MGA: variants seen among roughly 807,000 people sequenced by gnomAD.
MGA encodes the protein MAX dimerization protein MGA, also known as MAX gene-associated protein.
Under a neutral mutation model 261.1 loss-of-function variants are expected in MGA, and 40 were observed. That is an observed-to-expected ratio of 0.15 (90% CI 0.12 to 0.20). The LOEUF (loss-of-function observed/expected upper bound fraction) is 0.20, where lower values mean the gene tolerates loss of function less well. Ranked by LOEUF, MGA falls within the 10% of genes least tolerant of loss-of-function variation. The pLI, the probability that MGA is intolerant of heterozygous loss-of-function variation, is 1.00. For missense variants in MGA, 3,397 were observed against 3,630.5 expected (o/e 0.94, Z 1.65); for synonymous variants, 1,302 against 1,290.6 (o/e 1.01, Z -0.19).
At chr15:41,763,367 C>T (rs1249831436) in intron 22 of MGA, among the ~76,000 whole-genome samples, 4 of 151,628 alleles carry the variant, frequency 2.6e-5, no homozygotes, top group Admixed American at 2.0e-4. Flanking sequence ...TCCCAAAGTG[C>T]TGGGATTACA....
At chr15:41,679,494 A>G (rs1340277153) in intron 2 of MGA, among the ~76,000 whole-genome samples, 2 of 152,096 alleles carry the variant, frequency 1.3e-5, no homozygotes, top group East Asian at 1.9e-4. Context: ...ATGGTTTTCA[A>G]TGTAAAAGTG....
intron 3 of MGA, among the ~76,000 whole-genome samples, chr15:41,698,195 G>T (rs1403134952): frequency 1.4e-5 from 2 of 138,298 alleles, no homozygotes; most frequent in Non-Finnish European, 1.5e-5. Context: ...TTTTGAGACG[G>T]AATCTTGCTC....
At chr15:41,734,859 GT>G (rs879753353) in intron 12 of MGA, among the ~76,000 whole-genome samples, 118 of 144,838 alleles carry the variant, frequency 8.1e-4, no homozygotes, top group Admixed American at 1.1e-3. Flanking sequence ...AGGTCAGTGA[GT>G]TTTTTTTTTT....
At chr15:41,642,378 C>T (rs1029459651) in intron 1 of MGA, among the ~76,000 whole-genome samples, 10 of 149,534 alleles carry the variant, frequency 6.7e-5, no homozygotes, top group Admixed American at 4.7e-4. Context: ...GGCGTGATCT[C>T]GGCTCACTGC....
At chr15:41,718,525 C>A in intron 9 of MGA, 1 of 502,738 alleles carries the variant, frequency 2.0e-6, no homozygotes, top group South Asian at 3.8e-5. Flanking sequence ...TTGTAGTTCT[C>A]TTTTTCTGTG....
chr15:41,675,341 T>A (rs563298151), intron 2 of MGA, among the ~76,000 whole-genome samples: 1 of 152,184 alleles, frequency 6.6e-6, no homozygotes, highest in East Asian at 1.9e-4. Context: ...CTGGTTTCAC[T>A]ATCTTTAGAG....
chr15:41,649,431 C>T (rs937049179), intron 1 of MGA, among the ~76,000 whole-genome samples: 1 of 149,016 alleles, frequency 6.7e-6, no homozygotes, highest in African/African-American at 2.5e-5. Context: ...ATGGGATGAA[C>T]AGGAGAGAGA....
chr15:41,695,726 A>G (rs1025002735), intron 2 of MGA, among the ~76,000 whole-genome samples: 1 of 152,248 alleles, frequency 6.6e-6, no homozygotes, highest in African/African-American at 2.4e-5. Flanking sequence ...TCATCTGGCA[A>G]CATCATGACT....
chr15:41,646,185 G>A (rs1397220119), intron 1 of MGA, among the ~76,000 whole-genome samples: 1 of 152,108 alleles, frequency 6.6e-6, no homozygotes, highest in Non-Finnish European at 1.5e-5. Flanking sequence ...ATGTGATTTA[G>A]TTAACTAACT....
intron 1 of MGA, among the ~76,000 whole-genome samples, chr15:41,651,797 TCCCC>T (rs1358573963): frequency 1.7e-4 from 1 of 5,810 alleles, no homozygotes; most frequent in Non-Finnish European, 4.4e-4. Flanking sequence ...TTCTCTCCTC[TCCCC>T]CCCCTCTTCC....
At chr15:41,765,445 C>T (rs1352300196) in intron 23 of MGA, among the ~76,000 whole-genome samples, 1 of 152,214 alleles carries the variant, frequency 6.6e-6, no homozygotes, top group Non-Finnish European at 1.5e-5. Flanking sequence ...TTGAGCACTA[C>T]TCTGTTTTGG....
chr15:41,761,080 G>A (rs896994088), intron 20 of MGA, among the ~76,000 whole-genome samples: 4 of 152,186 alleles, frequency 2.6e-5, no homozygotes, highest in Admixed American at 6.5e-5. Context: ...CAAAAGTCAG[G>A]TTCTTTATTG....
Position 41,668,955 on chromosome 15 carries a change from G to A in MGA, c.61G>A (p.Ala21Thr), listed in dbSNP as rs565795887. 36 of 1,610,020 alleles carry A rather than the reference G, an allele frequency of 2.2e-5. No individual in the cohort carries two copies. The highest frequency in any genetic ancestry group is 2.2e-4 in the South Asian group (20 of 90,716). The stretch of plus-strand genomic sequence containing the variant: ...AGATGGTGGAACAGTGGCAGGAGCA[G>A]CACCTACCTTCTTTGTCATCTTAAA... The change falls in exon 2 of 24, where the codon GCA (alanine) becomes ACA (threonine). Residue 21 changes from alanine to threonine, a missense_variant. Physicochemically the swap from Ala to Thr is moderately conservative, Grantham distance 58 (BLOSUM62 0). Transcript: ENST00000219905.
chr15:41,766,762 A>G lies in MGA; in HGVS notation c.8680A>G (p.Ser2894Gly), dbSNP rs781470957. The G allele has an allele frequency of 1.7e-4, 279 of 1,613,820 alleles. No individual in the cohort carries two copies. Among genetic ancestry groups the G allele is most frequent in the Non-Finnish European group, 2.2e-4 (264 of 1,179,890 alleles). ...AGAGTTGCCTGATGTTCAAGGGGAG[A>G]GTGACTCTATCAGTCCCCTCCTCTT... The change falls in exon 24 of 24, where the codon AGT becomes GGT. Residue 2894 changes from serine (S) to glycine (G), a missense_variant. Ser to Gly is a moderately conservative substitution (Grantham distance 56). Transcript: ENST00000219905.
At chr15:41,650,081 A>G (rs2057011575) in intron 1 of MGA, among the ~76,000 whole-genome samples, 2 of 152,126 alleles carry the variant, frequency 1.3e-5, no homozygotes, top group South Asian at 4.1e-4. Context: ...TTTTGTTTAT[A>G]CTTCCATTAC....
At position 41,767,543 on chromosome 15, in the gene MGA, A is replaced by G. The variant is rs1417310856; in HGVS notation, c.*263A>G. 1 of 460,300 alleles carries G rather than the reference A, an allele frequency of 2.2e-6. No homozygotes were observed. The highest frequency in any genetic ancestry group is 3.9e-6 in the Non-Finnish European group (1 of 258,050). 28.5% of individuals were successfully genotyped at this position (460,300 alleles called of 1,614,324 possible). A position where few individuals can be genotyped will look rare whatever the true frequency, so the allele number is the denominator to read the frequency against. Reference sequence around the variant, plus strand: ...AAGAAGATGTGATCCATTACTGAACATGAGGTGCCCCTCTTACCCAAGGAA... The same window carrying G: ...AAGAAGATGTGATCCATTACTGAACGTGAGGTGCCCCTCTTACCCAAGGAA... On this transcript the variant is annotated 3_prime_UTR_variant, in exon 24 of 24. Coordinates refer to ENST00000219905, the MANE Select transcript of MGA (RefSeq NM_001164273.2).
At chr15:41,718,349 T>A in intron 9 of MGA, 1 of 426,104 alleles carries the variant, frequency 2.3e-6, no homozygotes, top group Non-Finnish European at 4.1e-6. Context: ...ATAGTATTAT[T>A]TAGTTAGGTT....
At chr15:41,701,291 T>A (rs2059840369) in intron 5 of MGA, among the ~76,000 whole-genome samples, 1 of 152,188 alleles carries the variant, frequency 6.6e-6, no homozygotes, top group Non-Finnish European at 1.5e-5. Context: ...TATTATGACA[T>A]TTATATTGTG....
upstream of MGA, among the ~76,000 whole-genome samples, chr15:41,655,910 GAATCAGT>G (rs1351658441): frequency 5.3e-5 from 8 of 152,166 alleles, no homozygotes; most frequent in Non-Finnish European, 1.0e-4. Context: ...GTTGGACACT[GAATCAGT>G]ATTTGATATT....
Sources: allele counts gnomAD v4.1 joint callset (sites outside exome capture counted in the v4.1 genomes callset), GRCh38; gene constraint gnomAD v4.1.1; transcripts MANE v1.5; gene names NCBI Gene and HGNC (gene_info 2026-07-23, HGNC 2026-07-21).